SENP7: variants seen among roughly 807,000 people sequenced by gnomAD.
The protein encoded by SENP7 is SUMO specific peptidase 7, also known as sentrin-specific protease 7.
SENP7 carries 64 observed loss-of-function variants against 141.2 expected under a neutral mutation model. The ratio of observed to expected loss-of-function variants is 0.45; its 90% CI spans 0.37 to 0.56. The LOEUF (loss-of-function observed/expected upper bound fraction) is 0.56. Ranked by LOEUF, SENP7 falls within the 20% of genes least tolerant of loss-of-function variation. The pLI is 0.00. For missense variants in SENP7, 1,025 were observed against 1,212.2 expected, an observed-to-expected ratio of 0.85 and a Z score of 2.29; for synonymous variants, 382 against 426.4, an observed-to-expected ratio of 0.90 and a Z score of 1.28.
chr3:101,346,464 T>G (rs769410021), intron 13 of SENP7, among the ~76,000 whole-genome samples: 24 of 152,236 alleles, frequency 1.6e-4, no homozygotes, highest in Non-Finnish European at 1.2e-4. Flanking sequence ...CACACACGTT[T>G]ATAGCAGCAC....
At chr3:101,415,031 C>T (rs1222176769) in intron 5 of SENP7, among the ~76,000 whole-genome samples, 1 of 152,196 alleles carries the variant, frequency 6.6e-6, no homozygotes, top group Non-Finnish European at 1.5e-5. Flanking sequence ...TTGTTGCCAA[C>T]ATCCTGTTTA....
At chr3:101,461,621 C>T (rs1191088093) in intron 3 of SENP7, among the ~76,000 whole-genome samples, 1 of 151,504 alleles carries the variant, frequency 6.6e-6, no homozygotes, top group Non-Finnish European at 1.5e-5. Context: ...TGCAGTTCCT[C>T]GATAACTTAA....
intron 11 of SENP7, among the ~76,000 whole-genome samples, chr3:101,361,212 GC>G (rs1211310028): frequency 1.7e-4 from 20 of 121,100 alleles, no homozygotes; most frequent in Non-Finnish European, 2.7e-4. Flanking sequence ...GACTCTGTCC[GC>G]CCCCCCAAAA....
intron 4 of SENP7, among the ~76,000 whole-genome samples, chr3:101,425,906 T>A (rs1376286163): frequency 1.3e-5 from 2 of 151,946 alleles, no homozygotes; most frequent in Non-Finnish European, 1.5e-5. Flanking sequence ...GAGCAAAGAA[T>A]CTCAGTGCCT....
chr3:101,458,704 T>C (rs1218972852), intron 4 of SENP7: 4 of 249,516 alleles, frequency 1.6e-5, no homozygotes, highest in Non-Finnish European at 2.3e-5. Flanking sequence ...CAATCATCAT[T>C]ATCAGTCTAT....
chr3:101,358,134 A>G (rs970394556), intron 11 of SENP7: 19 of 516,442 alleles, frequency 3.7e-5, no homozygotes, highest in African/African-American at 4.0e-5. Flanking sequence ...CTCAAACCCT[A>G]CTAAACATAA....
At chr3:101,455,065 CAA>C (rs2063304536) in intron 4 of SENP7, among the ~76,000 whole-genome samples, 1 of 150,336 alleles carries the variant, frequency 6.7e-6, no homozygotes. Flanking sequence ...AAAGTAAGAT[CAA>C]ACACAGGAGA....
At chr3:101,443,129 A>C (rs2062746115) in intron 4 of SENP7, among the ~76,000 whole-genome samples, 1 of 152,150 alleles carries the variant, frequency 6.6e-6, no homozygotes, top group Non-Finnish European at 1.5e-5. Flanking sequence ...TTTTTGTATA[A>C]GGTGTAAGGA....
At chr3:101,480,987 G>A (rs1576482635) in intron 3 of SENP7, among the ~76,000 whole-genome samples, 2 of 150,122 alleles carry the variant, frequency 1.3e-5, no homozygotes, top group African/African-American at 4.9e-5. Flanking sequence ...AGATGCTGGT[G>A]AGGATGCAGG....
At position 101,367,874 on chromosome 3, in the gene SENP7, C is replaced by G; in HGVS notation, c.934G>C (p.Asp312His). 1 of 1,608,882 alleles carries G rather than the reference C, an allele frequency of 6.2e-7. No homozygotes were observed. Among genetic ancestry groups the G allele is most frequent in the South Asian group, 1.1e-5 (1 of 90,876 alleles). ...TCCAAAGAAGTACAATATTGAGAAT[C>G]AGGTAAATTATTTCTAAGCCTTCTC... ...TKRRLRNNLP[D>H]SQYCTSLDKS... The change falls in exon 8 of 24, where the codon GAT (aspartate) becomes CAT (histidine). Residue 312 changes from aspartate (D) to histidine (H), a missense_variant. Asp to His is a moderately conservative substitution (Grantham distance 81). Around this residue, in one of 4 missense-constraint regions of SENP7, gnomAD observed 496 missense variants for 503.5 expected, o/e 0.99. Transcript: ENST00000394095.
intron 4 of SENP7, among the ~76,000 whole-genome samples, chr3:101,429,745 A>G (rs1392670586): frequency 6.6e-6 from 1 of 152,208 alleles, no homozygotes; most frequent in Non-Finnish European, 1.5e-5. Flanking sequence ...GAGTAGTAAG[A>G]GAGGGCATCC....
intron 4 of SENP7, among the ~76,000 whole-genome samples, chr3:101,449,035 C>A (rs1309082526): frequency 1.3e-5 from 2 of 152,006 alleles, no homozygotes; most frequent in African/African-American, 4.8e-5. Flanking sequence ...CCTTAAAAGA[C>A]GTGATGGAGC....
chr3:101,495,688 G>A (rs940843528), intron 2 of SENP7, among the ~76,000 whole-genome samples: 1 of 152,164 alleles, frequency 6.6e-6, no homozygotes, highest in African/African-American at 2.4e-5. Flanking sequence ...TTTTAAGTGG[G>A]AGCTGAATGA....
chr3:101,447,623 A>C (rs1478091284), intron 4 of SENP7, among the ~76,000 whole-genome samples: 1 of 152,236 alleles, frequency 6.6e-6, no homozygotes, highest in Non-Finnish European at 1.5e-5. Flanking sequence ...CATGTTTATT[A>C]ATCTGAACAC....
intron 3 of SENP7, among the ~76,000 whole-genome samples, chr3:101,470,116 A>G (rs2063926957): frequency 6.6e-6 from 1 of 152,228 alleles, no homozygotes; most frequent in Non-Finnish European, 1.5e-5. Flanking sequence ...TGTCCACAAG[A>G]GAAAGCAGGA....
intron 6 of SENP7, among the ~76,000 whole-genome samples, chr3:101,389,820 A>G (rs1242140504): frequency 1.3e-5 from 2 of 152,208 alleles, no homozygotes; most frequent in Non-Finnish European, 2.9e-5. Context: ...AGTGGAAGAA[A>G]GAAAAAAAGG....
intron 5 of SENP7, among the ~76,000 whole-genome samples, chr3:101,404,205 C>T (rs2107601707): frequency 6.6e-6 from 1 of 152,206 alleles, no homozygotes; most frequent in Non-Finnish European, 1.5e-5. Flanking sequence ...CAGCATGGTA[C>T]TGGTACAAAA....
At position 101,341,765 on chromosome 3, in the gene SENP7, A is replaced by G; in HGVS notation, c.2121T>C (p.Asp707=). Residue 707 remains aspartate (D), a synonymous_variant, in exon 15 of 24, where the codon GAT becomes GAC. Transcript: ENST00000394095. The stretch of plus-strand genomic sequence containing the variant: ...GGAAGGTGTAAGTAGGCTTGGCCGC[A>G]TCTGTGTTTGAGGGCTGACAGAAAG... ...LKSVSQPSNT[D]AAKPTYTFLQ... 6.2e-7 allele frequency: 1 copy of G among 1,604,390 alleles called. No individual in the cohort carries two copies. Among genetic ancestry groups the G allele is most frequent in the Non-Finnish European group, 8.5e-7 (1 of 1,172,488 alleles).
At chr3:101,495,079 A>G (rs1576523356) in intron 2 of SENP7, among the ~76,000 whole-genome samples, 1 of 152,200 alleles carries the variant, frequency 6.6e-6, no homozygotes, top group South Asian at 2.1e-4. Context: ...ATAAATTTAT[A>G]AGAAAAAAAA....
Sources: allele counts gnomAD v4.1 joint callset (sites outside exome capture counted in the v4.1 genomes callset), GRCh38; gene constraint gnomAD v4.1.1; regional missense constraint gnomAD v4.1.1; transcripts MANE v1.5; gene names NCBI Gene and HGNC (gene_info 2026-07-23, HGNC 2026-07-21).